SYN2: variants seen among roughly 807,000 people sequenced by gnomAD.
SYN2 encodes the protein synapsin-2.
SYN2 carries 19 observed loss-of-function variants against 50.9 expected under a neutral mutation model. The ratio of observed to expected loss-of-function variants is 0.37; its 90% CI spans 0.26 to 0.55. The LOEUF (loss-of-function observed/expected upper bound fraction) is 0.55. SYN2 is among the 20% of genes least tolerant of loss of function. SYN2 has a pLI of 0.81. For missense variants in SYN2, 587 were observed against 576.4 expected, an observed-to-expected ratio of 1.02 and a Z score of -0.19; for synonymous variants, 255 against 224.9, an observed-to-expected ratio of 1.13 and a Z score of -1.20.
chr3:12,142,203 A>G (rs923672249), intron 3 of SYN2, among the ~76,000 whole-genome samples: 2 of 152,222 alleles, frequency 1.3e-5, no homozygotes, highest in Non-Finnish European at 2.9e-5. Context: ...TGGTAGAGAA[A>G]ACAACCTGAA....
At chr3:12,100,683 A>G (rs905693814) in intron 1 of SYN2, among the ~76,000 whole-genome samples, 1 of 152,178 alleles carries the variant, frequency 6.6e-6, no homozygotes, top group African/African-American at 2.4e-5. Flanking sequence ...TGAAAAGACA[A>G]CCCACAAAAT....
intron 1 of SYN2, among the ~76,000 whole-genome samples, chr3:12,028,320 A>G (rs1289531472): frequency 1.3e-5 from 2 of 151,262 alleles, no homozygotes; most frequent in South Asian, 4.2e-4. Context: ...ATTGTGAATA[A>G]TGCCGCAATA....
intron 1 of SYN2, among the ~76,000 whole-genome samples, chr3:12,108,367 A>C (rs928625595): frequency 6.6e-6 from 1 of 152,196 alleles, no homozygotes; most frequent in Non-Finnish European, 1.5e-5. Flanking sequence ...AATAACGCAG[A>C]TATCCCTCAC....
chr3:12,084,234 A>AT (rs35877868), intron 1 of SYN2, among the ~76,000 whole-genome samples: 47 of 150,616 alleles, frequency 3.1e-4, no homozygotes, highest in Admixed American at 1.9e-3. Flanking sequence ...AGACTACTCC[A>AT]TTTTTTTTTC....
At chr3:12,108,607 T>C (rs1215551206) in intron 1 of SYN2, among the ~76,000 whole-genome samples, 2 of 152,218 alleles carry the variant, frequency 1.3e-5, no homozygotes, top group Non-Finnish European at 2.9e-5. Flanking sequence ...TTCCATTCTT[T>C]TTAAATACAG....
At chr3:12,034,038 G>A (rs533211943) in intron 1 of SYN2, among the ~76,000 whole-genome samples, 1 of 152,228 alleles carries the variant, frequency 6.6e-6, no homozygotes, top group South Asian at 2.1e-4. Flanking sequence ...GTTCTTTTAG[G>A]TATATCCCTA....
chr3:12,046,247 G>T (rs1431699576), intron 1 of SYN2, among the ~76,000 whole-genome samples: 2 of 152,138 alleles, frequency 1.3e-5, no homozygotes, highest in African/African-American at 2.4e-5. Context: ...AGTTGGGAAA[G>T]GTTTTGGTGA....
intron 5 of SYN2, among the ~76,000 whole-genome samples, chr3:12,151,846 G>A (rs772657043): frequency 6.6e-6 from 1 of 152,120 alleles, no homozygotes; most frequent in Non-Finnish European, 1.5e-5. Context: ...TTCCCCTGGC[G>A]CTTCCACAAC....
chr3:12,125,918 C>T (rs73813129), intron 1 of SYN2, among the ~76,000 whole-genome samples: 11,881 of 150,380 alleles, frequency 0.079, 566 homozygotes, highest in African/African-American at 0.13. Flanking sequence ...ATAAATATTA[C>T]AGAGGAGATT....
intron 11 of SYN2, among the ~76,000 whole-genome samples, chr3:12,186,857 C>T (rs963112609): frequency 5.3e-5 from 8 of 152,216 alleles, no homozygotes; most frequent in Non-Finnish European, 1.0e-4. Context: ...CCAGGGCTTA[C>T]ACTTTTTAAA....
intron 4 of SYN2, among the ~76,000 whole-genome samples, chr3:12,150,866 G>A (rs1465972391): frequency 6.6e-6 from 1 of 152,174 alleles, no homozygotes; most frequent in South Asian, 2.1e-4. Context: ...AGAGATGCAG[G>A]TGTGGAAAGT....
At chr3:12,026,241 C>G (rs1255967936) in intron 1 of SYN2, among the ~76,000 whole-genome samples, 1 of 152,092 alleles carries the variant, frequency 6.6e-6, no homozygotes, top group Non-Finnish European at 1.5e-5. Flanking sequence ...ATGCACTGAG[C>G]TTTCTCCTGA....
intron 1 of SYN2, among the ~76,000 whole-genome samples, chr3:12,107,602 G>GT (rs1386473795): frequency 6.6e-6 from 1 of 152,116 alleles, no homozygotes; most frequent in East Asian, 1.9e-4. Context: ...ATATGGTACT[G>GT]TACTTTAAAG....
intron 1 of SYN2, among the ~76,000 whole-genome samples, chr3:12,088,109 A>G (rs545763401): frequency 6.6e-6 from 1 of 152,296 alleles, no homozygotes; most frequent in Admixed American, 6.5e-5. Context: ...CAAAGAAAAC[A>G]ACAGAGTGAA....
At chr3:12,027,521 G>T (rs1460457402) in intron 1 of SYN2, among the ~76,000 whole-genome samples, 2 of 152,218 alleles carry the variant, frequency 1.3e-5, no homozygotes, top group African/African-American at 4.8e-5. Flanking sequence ...TACCTGATCA[G>T]TTGGGGCTAA....
chr3:12,035,201 C>G (rs1047841119), intron 1 of SYN2, among the ~76,000 whole-genome samples: 1 of 152,178 alleles, frequency 6.6e-6, no homozygotes, highest in Non-Finnish European at 1.5e-5. Flanking sequence ...TTCCATGTCC[C>G]CATCTTCGGG....
intron 4 of SYN2, among the ~76,000 whole-genome samples, chr3:12,147,906 G>T (rs1378016528): frequency 1.3e-5 from 2 of 152,092 alleles, no homozygotes; most frequent in East Asian, 3.9e-4. Context: ...GAGGTCAGGA[G>T]ATCAAGACCA....
intron 1 of SYN2, among the ~76,000 whole-genome samples, chr3:12,112,693 C>T (rs1328350305): frequency 6.6e-6 from 1 of 152,174 alleles, no homozygotes; most frequent in African/African-American, 2.4e-5. Context: ...AGTATTCAAC[C>T]AAGGTCATAG....
chr3:12,046,033 TCTAA>T (rs1325494967), intron 1 of SYN2, among the ~76,000 whole-genome samples: 2 of 152,172 alleles, frequency 1.3e-5, no homozygotes, highest in African/African-American at 2.4e-5. Flanking sequence ...TTACTACAAC[TCTAA>T]CTAAATATTT....
Sources: gnomAD v4.1 joint callset for allele counts (sites outside exome capture counted in the v4.1 genomes callset) on GRCh38, gnomAD v4.1.1 for gene constraint, MANE v1.5 for transcripts, NCBI Gene and HGNC (gene_info 2026-07-23, HGNC 2026-07-21) for gene names.